The following TLE6 variants were observed in gnomAD, a reference collection of about 807,000 sequenced individuals.
TLE6 encodes transducin-like enhancer protein 6.
In TLE6, 72 loss-of-function variants were observed where a neutral mutation model predicts 77.1. That is an observed-to-expected ratio of 0.93 (90% CI 0.77 to 1.14). The LOEUF is 1.14. Ranked by LOEUF, TLE6 falls within the 50% of genes most tolerant of loss-of-function variation. The pLI, the probability that TLE6 is intolerant of heterozygous loss-of-function variation, is 0.00. For missense variants in TLE6, 843 were observed against 747.6 expected (o/e 1.13, Z -1.49); for synonymous variants, 366 against 287.3 (o/e 1.27, Z -2.77).
Position 2,987,103 on chromosome 19 carries a change from T to G in TLE6, c.406T>G (p.Leu136Val). ...TRSSDWLRRP[L>V]GEDNQPETQL... ...GTCCTCCGACTGGCTCCGGCGGCCTTTGGGGGAGGACAATCAGCCGGAGAC... is the reference window on the plus strand; with the variant it reads ...GTCCTCCGACTGGCTCCGGCGGCCTGTGGGGGAGGACAATCAGCCGGAGAC... Residue 136 changes from leucine to valine, a missense_variant, in exon 7 of 17, where the codon TTG becomes GTG. Transcript: ENST00000246112. 2 of 1,613,962 alleles carry G rather than the reference T, an allele frequency of 1.2e-6. No individual in the cohort carries two copies. The highest frequency in any genetic ancestry group is 1.7e-6 in the Non-Finnish European group (2 of 1,179,990).
rs1231316953 is a variant in TLE6, at chr19:2,987,117, T to G, written c.420T>G (p.Asn140Lys). 2.5e-5 allele frequency: 40 copies of G among 1,613,966 alleles called. No individual in the cohort carries two copies. Among genetic ancestry groups the G allele is most frequent in the Non-Finnish European group, 3.3e-5 (39 of 1,180,028 alleles). ...TCCGGCGGCCTTTGGGGGAGGACAA[T>G]CAGCCGGAGACCCAGCTGTTCTGGG... The part of the protein sequence containing the change: ...DWLRRPLGED[N>K]QPETQLFWDK... Residue 140 changes from asparagine to lysine, a missense_variant, in exon 7 of 17, where the codon AAT (asparagine) becomes AAG (lysine). Transcript: ENST00000246112.
chr19:2,994,703 C>T (rs1049994091), intron 16 of TLE6, among the ~76,000 whole-genome samples, 197 bp from the exon 17 acceptor site: 4 of 152,180 alleles, frequency 2.6e-5, no homozygotes, highest in Non-Finnish European at 1.5e-5. Flanking sequence ...ACTTGGGAGG[C>T]TGAGGCAGGA....
rs533289315 is a variant in TLE6 at position 2,988,970 on chromosome 19, AAAAG to A, written c.741-88_741-85del. The A allele has an allele frequency of 1.6e-3, 2,412 of 1,543,214 alleles. 4 individuals carry two copies. The highest frequency in any genetic ancestry group is 2.0e-3 in the African/African-American group (144 of 72,370). Reference sequence around the variant, plus strand: ...CTGAGAGAGGGACCCCAAAATCTGAAAAAGAAGCCCCTCTAGGCCTTGATGTGTG... The same window carrying A: ...CTGAGAGAGGGACCCCAAAATCTGAAAAGCCCCTCTAGGCCTTGATGTGTG... On this transcript the variant is annotated intron_variant, in intron 11 of 16. Transcript: ENST00000246112.
chr19:2,991,391 TATATACACACACAC>T (rs1045615743), intron 13 of TLE6, among the ~76,000 whole-genome samples: 1 of 114,820 alleles, frequency 8.7e-6, no homozygotes, highest in African/African-American at 3.7e-5. Flanking sequence ...TATATATATA[TATATACACACACAC>T]ACACACACAC....
Position 2,987,124 on chromosome 19 carries a change from G to T in TLE6, c.427G>T (p.Glu143Ter). The T allele has an allele frequency of 6.2e-7, 1 of 1,614,118 alleles. No homozygotes were observed. Residue 143 changes from glutamate (E) to a stop codon, truncating the protein, a stop_gained, in exon 7 of 17, where the codon GAG (glutamate) becomes TAG (stop). Coordinates refer to ENST00000246112, the MANE Select transcript of TLE6 (RefSeq NM_001143986.2). LOFTEE classifies it high-confidence loss of function. ...GCCTTTGGGGGAGGACAATCAGCCG[G>T]AGACCCAGCTGTTCTGGGACAAGGA... ...RRPLGEDNQP[E>*]TQLFWDKEPW...
chr19:2,991,644 G>A (rs529757810), intron 13 of TLE6, among the ~76,000 whole-genome samples, 199 bp from the exon 14 acceptor site: 1 of 150,334 alleles, frequency 6.7e-6, no homozygotes, highest in African/African-American at 2.4e-5. Flanking sequence ...CCAGGCGGAC[G>A]GAGAAGGGAG....
intron 5 of TLE6, 66 bp from the exon 6 acceptor site, chr19:2,986,763 T>TGC: frequency 6.9e-7 from 1 of 1,455,118 alleles, no homozygotes; most frequent in Non-Finnish European, 9.4e-7. Context: ...GGGATAATCA[T>TGC]GCTGTAGGAT....
intron 13 of TLE6, among the ~76,000 whole-genome samples, chr19:2,991,395 TACACACACACAC>T (rs373594184): frequency 1.4e-4 from 16 of 114,122 alleles, no homozygotes; most frequent in South Asian, 2.8e-4. Flanking sequence ...TATATATATA[TACACACACACAC>T]ACACACACAC....
chr19:2,990,963 C>A (rs1032461222), intron 13 of TLE6, among the ~76,000 whole-genome samples: 33 of 150,800 alleles, frequency 2.2e-4, no homozygotes, highest in Non-Finnish European at 3.8e-4. Flanking sequence ...CCACTGCACT[C>A]CAGCCTGGGT....
At chr19:2,987,398 C>T in intron 8 of TLE6, 26 bp downstream of exon 8, 1 of 1,612,988 alleles carries the variant, frequency 6.2e-7, no homozygotes, top group Non-Finnish European at 8.5e-7. Flanking sequence ...CAGCTCTATC[C>T]AGAGGGGTGG....
rs1599166948 is a variant in TLE6 at position 2,990,471 on chromosome 19, G to A, written c.1244+686G>A. Reference sequence around the variant, plus strand: ...ACAAAAAAATTAGCCAGGCGCGGTGGTGGGTACCTGTAGTCCCAGCTACTC... The same window carrying A: ...ACAAAAAAATTAGCCAGGCGCGGTGATGGGTACCTGTAGTCCCAGCTACTC... On this transcript the variant is annotated intron_variant, in intron 13 of 16. Transcript: ENST00000246112. 2.7e-5 allele frequency among the ~76,000 whole-genome samples: 4 copies of A among 150,708 alleles called. No individual in the cohort carries two copies. The South Asian group carries it at 8.3e-4, about 31-fold the overall frequency.
In TLE6 at chr19:2,994,095, G is replaced by C; in HGVS notation, c.1614G>C (p.Glu538Asp). 1 of 1,557,834 alleles carries C rather than the reference G, an allele frequency of 6.4e-7. No individual in the cohort carries two copies. The change falls in exon 16 of 17, where the codon GAG becomes GAC. Residue 538 changes from glutamate (E) to aspartate (D), a missense_variant and splice_region_variant. Transcript: ENST00000246112. Reference sequence around the variant, plus strand: ...TGCCGGCGGGGACAAAAGTGTTCGAGGTACTGCGGTGGGCTGGGGGCAGGA... The same window carrying C: ...TGCCGGCGGGGACAAAAGTGTTCGACGTACTGCGGTGGGCTGGGGGCAGGA... Reference protein sequence around the residue: ...YSMPAGTKVFEVPEMSPVTCC... With the variant: ...YSMPAGTKVFDVPEMSPVTCC...
At position 2,987,792 on chromosome 19, in the gene TLE6, T is replaced by C; in HGVS notation, c.625+2T>C. The stretch of plus-strand genomic sequence containing the variant: ...ACCCATGTCCTGAAGATGCCTCCAG[T>C]AATCCCAGCGGGCAGGGGCCGACCG... On this transcript the variant is annotated splice_donor_variant, in intron 9 of 16. Coordinates refer to ENST00000246112, the MANE Select transcript of TLE6 (RefSeq NM_001143986.2). LOFTEE classifies it high-confidence loss of function. The C allele has an allele frequency of 6.2e-7, 1 of 1,614,114 alleles. No homozygotes were observed. Among genetic ancestry groups the C allele is most frequent in the African/African-American group, 1.3e-5 (1 of 75,026 alleles).
intron 15 of TLE6, 115 bp downstream of exon 15, chr19:2,993,697 A>G: frequency 7.5e-7 from 1 of 1,326,040 alleles, no homozygotes; most frequent in Non-Finnish European, 1.0e-6. Flanking sequence ...ACCCTTCTGT[A>G]GCAGAAACCA....
chr19:2,987,211 G>T lies in TLE6; in HGVS notation c.514G>T (p.Asp172Tyr), dbSNP rs749821030. ...CTGGCGGATTTTTGCCGGCGTCCAC[G>T]ATGAGAAGGCAAAGCCCAGAGACAG... ...QLWRIFAGVH[D>Y]EKAKPRDRQQ... Residue 172 changes from aspartate (D) to tyrosine (Y), a missense_variant, in exon 7 of 17, where the codon GAT becomes TAT. Asp to Tyr is a radical substitution (Grantham distance 160). Coordinates refer to ENST00000246112, the MANE Select transcript of TLE6 (RefSeq NM_001143986.2). 1.9e-6 allele frequency: 3 copies of T among 1,614,128 alleles called. No individual in the cohort carries two copies. Among genetic ancestry groups the T allele is most frequent in the Non-Finnish European group, 2.5e-6 (3 of 1,180,038 alleles).
At chr19:2,993,672 C>T (rs968977383) in intron 15 of TLE6, 90 bp downstream of exon 15, 3 of 1,456,948 alleles carry the variant, frequency 2.1e-6, no homozygotes, top group Non-Finnish European at 2.8e-6. Flanking sequence ...ACCCAACCCT[C>T]TAGGACACCT....
At chr19:2,980,204 G>A (rs778597634) in intron 3 of TLE6, 22 bp downstream of exon 3, 69 of 1,539,338 alleles carry the variant, frequency 4.5e-5, no homozygotes, top group South Asian at 3.3e-4. Context: ...TCCAGGGGCC[G>A]GAGGTCTCAC....
Position 2,994,888 on chromosome 19 carries a change from C to A in TLE6, c.1615-12C>A, listed in dbSNP as rs761750471. 6.4e-7 allele frequency: 1 copy of A among 1,556,296 alleles called. No homozygotes were observed. Among genetic ancestry groups the A allele is most frequent in the Non-Finnish European group, 8.8e-7 (1 of 1,140,688 alleles). ...CCCTACCCCAGCTCACTGCCCACTG[C>A]CCCCCCTCCAGGTGCCTGAGATGTC... On this transcript the variant is annotated splice_polypyrimidine_tract_variant and intron_variant, in intron 16 of 16. Transcript: ENST00000246112.
At chr19:2,994,216 CT>C in intron 16 of TLE6, 121 bp downstream of exon 16, 1 of 767,288 alleles carries the variant, frequency 1.3e-6, no homozygotes, top group Non-Finnish European at 2.1e-6. Flanking sequence ...TGGCTCACGG[CT>C]TTAATCCCAG....
Sources: allele counts gnomAD v4.1 joint callset (sites outside exome capture counted in the v4.1 genomes callset), GRCh38; gene constraint gnomAD v4.1.1; transcripts MANE v1.5; gene names NCBI Gene and HGNC (gene_info 2026-07-23, HGNC 2026-07-21).